CEP290: variants seen among roughly 807,000 people sequenced by gnomAD.
CEP290 encodes the protein centrosomal protein of 290 kDa.
A neutral mutation model predicts 344.9 loss-of-function variants in CEP290; 317 were observed. The observed-to-expected ratio is 0.92, with a 90% CI of 0.84 to 1.01. The LOEUF is 1.01. CEP290 is among the 50% of genes least tolerant of loss of function. The pLI is 0.00. For synonymous variants in CEP290, 932 were observed against 895.8 expected, an observed-to-expected ratio of 1.04 and a Z score of -0.72; for missense variants, 2,754 against 2,761.4, an observed-to-expected ratio of 1.00 and a Z score of 0.06.
In CEP290 at chr12:88,071,939, C is replaced by T. The variant is rs1272493019; in HGVS notation, c.5710-13G>A. 1.1e-5 allele frequency: 17 copies of T among 1,556,950 alleles called. No homozygotes were observed. The highest frequency in any genetic ancestry group is 2.3e-5 in the East Asian group (1 of 42,664). On this transcript the variant is annotated splice_polypyrimidine_tract_variant and intron_variant, in intron 41 of 53. Transcript: ENST00000552810. Reference sequence around the variant, plus strand: ...CTTCTTTAGCATTCTGTAACAATAACGAAGGAGGTAGGAAAATTACCAGTG... The same window carrying T: ...CTTCTTTAGCATTCTGTAACAATAATGAAGGAGGTAGGAAAATTACCAGTG...
chr12:88,074,903 A>G (rs2035646310), intron 41 of CEP290, among the ~76,000 whole-genome samples: 1 of 152,142 alleles, frequency 6.6e-6, no homozygotes, highest in South Asian at 2.1e-4. Context: ...CTCTTCTTAC[A>G]CATCTCTTAA....
intron 51 of CEP290, 36 bp downstream of exon 51, chr12:88,054,303 GA>G (rs1346651910): frequency 2.9e-6 from 4 of 1,397,924 alleles, no homozygotes; most frequent in Middle Eastern, 1.8e-4. Flanking sequence ...TTTTTTTAAA[GA>G]AAAAAACAAA....
At position 88,077,310 on chromosome 12, in the gene CEP290, A is replaced by G. The variant is rs781335780; in HGVS notation, c.5621T>C (p.Ile1874Thr). 1.9e-6 allele frequency: 3 copies of G among 1,586,542 alleles called. No homozygotes were observed. The highest frequency in any genetic ancestry group is 2.7e-5 in the African/African-American group (2 of 74,056). ...TTTAACTTTCCTTTGGAGTTCTTCA[A>G]TTAGACTTTGTTTATTATCTGTCAG... ...KPLTDNKQSL[I>T]EELQRKVKKL... The change falls in exon 41 of 54, where the codon ATT becomes ACT. Residue 1874 changes from isoleucine (I) to threonine (T), a missense_variant. Ile to Thr is a moderately conservative substitution (Grantham distance 89). Coordinates refer to ENST00000552810, the MANE Select transcript of CEP290 (RefSeq NM_025114.4).
At chr12:88,085,595 C>A (rs1174412323) in intron 34 of CEP290, among the ~76,000 whole-genome samples, 1 of 152,024 alleles carries the variant, frequency 6.6e-6, no homozygotes, top group Non-Finnish European at 1.5e-5. Context: ...ATTTGATCAC[C>A]TACTAATCAA....
intron 37 of CEP290, 48 bp downstream of exon 37, chr12:88,082,983 A>G (rs1565832039): frequency 2.8e-6 from 3 of 1,088,244 alleles, no homozygotes; most frequent in African/African-American, 1.6e-5. Flanking sequence ...TATCTTCATT[A>G]TATCACTTAT....
chr12:88,105,188 T>G (rs1278935361), intron 25 of CEP290, among the ~76,000 whole-genome samples: 2 of 152,132 alleles, frequency 1.3e-5, no homozygotes, highest in African/African-American at 4.8e-5. Flanking sequence ...AGAAAACAAG[T>G]CAAGCTTTGA....
chr12:88,126,518 C>A, intron 11 of CEP290, 80 bp from the exon 12 acceptor site: 4 of 944,974 alleles, frequency 4.2e-6, no homozygotes, highest in South Asian at 2.2e-5. Context: ...TAATAAACAC[C>A]GTTAGTAGAT....
intron 11 of CEP290, among the ~76,000 whole-genome samples, chr12:88,128,472 GGAGA>G (rs899741685): frequency 6.6e-6 from 1 of 152,112 alleles, no homozygotes; most frequent in Admixed American, 6.6e-5. Context: ...GGTTAAGGTT[GGAGA>G]GTGGTGGTGA....
chr12:88,111,658 T>C (rs747553367), intron 21 of CEP290, 36 bp downstream of exon 21: 5 of 1,507,866 alleles, frequency 3.3e-6, no homozygotes, highest in Non-Finnish European at 4.4e-6. Flanking sequence ...TACATTCTTA[T>C]GTTTAGCATT....
At chr12:88,085,734 AAAGT>A (rs1036707477) in intron 34 of CEP290, among the ~76,000 whole-genome samples, 5 of 152,148 alleles carry the variant, frequency 3.3e-5, no homozygotes, top group Non-Finnish European at 5.9e-5. Flanking sequence ...TAAAACCAAA[AAAGT>A]AAGAATAAAG....
intron 35 of CEP290, 106 bp downstream of exon 35, chr12:88,084,480 T>C: frequency 2.9e-6 from 3 of 1,025,732 alleles, no homozygotes; most frequent in South Asian, 2.9e-5. Context: ...TTAAATAGAA[T>C]CATTTGAAAG....
At chr12:88,075,547 GA>G (rs891779853) in intron 41 of CEP290, among the ~76,000 whole-genome samples, 16 of 144,504 alleles carry the variant, frequency 1.1e-4, no homozygotes, top group South Asian at 2.2e-4. Flanking sequence ...AATAAAAAAA[GA>G]AAAAAAAAAG....
intron 45 of CEP290, among the ~76,000 whole-genome samples, chr12:88,063,049 C>T (rs1343114714): frequency 6.6e-6 from 1 of 150,858 alleles, no homozygotes; most frequent in African/African-American, 2.4e-5. Context: ...ATATATTGCA[C>T]ATATAGATCC....
chr12:88,087,232 A>G (rs1425450341), intron 32 of CEP290, among the ~76,000 whole-genome samples: 1 of 152,224 alleles, frequency 6.6e-6, no homozygotes, highest in Non-Finnish European at 1.5e-5. Flanking sequence ...AAGTCAAATA[A>G]CCAATATCAA....
chr12:88,050,940 T>C lies in CEP290; in HGVS notation c.7130-507A>G, dbSNP rs116709980. ...TAAGTAAGACATAGCCCTGATACTT[T>C]GGTAGGAAAACAAAAGTCTCCAAAT... is the stretch of plus-strand genomic sequence containing the variant. On this transcript the variant is annotated intron_variant, in intron 52 of 53. Coordinates refer to ENST00000552810, the MANE Select transcript of CEP290 (RefSeq NM_025114.4). Among the ~76,000 whole-genome samples the C allele has an allele frequency of 3.2e-3, 481 of 152,298 alleles. 1 individual carries two copies. Among genetic ancestry groups the C allele is most frequent in the African/African-American group, 0.011 (467 of 41,572 alleles).
chr12:88,102,834 T>G lies in CEP290; in HGVS notation c.2991+4A>C, dbSNP rs2037995758. ...CACAAGGTTCAAGAATCACACAAAC[T>G]TACCTCCAGGTGTTCCAAGTTACTT... On this transcript the variant is annotated splice_donor_region_variant and intron_variant, in intron 26 of 53. Coordinates refer to ENST00000552810, the MANE Select transcript of CEP290 (RefSeq NM_025114.4). 1.2e-6 allele frequency: 2 copies of G among 1,608,292 alleles called. No homozygotes were observed.
chr12:88,077,705 CACTGGT>C lies in CEP290; in HGVS notation c.5572_5577del (p.Thr1858_Ser1859del). On this transcript the variant is annotated inframe_deletion, in exon 40 of 54. Transcript: ENST00000552810. ...GTTAAATATAAAATTACCTGTAATC[CACTGGT>C]TAGTCTTTTAATTTGCCTTTTCAGT... The C allele has an allele frequency of 6.5e-7, 1 of 1,527,910 alleles. No homozygotes were observed. The highest frequency in any genetic ancestry group is 8.9e-7 in the Non-Finnish European group (1 of 1,128,602). The allele number at this position is 1,527,910 out of a possible 1,614,324, so 94.6% of individuals were successfully genotyped here.
At position 88,112,807 on chromosome 12, in the gene CEP290, G is replaced by A. The variant is rs2038785440; in HGVS notation, c.2053-949C>T. ...GAGTAATAACTTATACTAACTCAAAGAGGATATAAGGAAGATAAAAGTAGG... is the reference window on the plus strand; with the variant it reads ...GAGTAATAACTTATACTAACTCAAAAAGGATATAAGGAAGATAAAAGTAGG... On this transcript the variant is annotated intron_variant, in intron 20 of 53. Transcript: ENST00000552810. Among the ~76,000 whole-genome samples, 3 of 152,092 alleles carry A rather than the reference G, an allele frequency of 2.0e-5. No homozygotes were observed. In the South Asian group the frequency reaches 6.2e-4, roughly 31 times the overall value.
At chr12:88,102,607 A>G (rs1047160605) in intron 26 of CEP290, among the ~76,000 whole-genome samples, 1 of 151,406 alleles carries the variant, frequency 6.6e-6, no homozygotes, top group Non-Finnish European at 1.5e-5. Flanking sequence ...ATAATCATTC[A>G]GAAGTCATTC....
Sources: gnomAD v4.1 joint callset for allele counts (sites outside exome capture counted in the v4.1 genomes callset) on GRCh38, gnomAD v4.1.1 for gene constraint, MANE v1.5 for transcripts, NCBI Gene and HGNC (gene_info 2026-07-23, HGNC 2026-07-21) for gene names.